Variants in CD82 observed in about 807,000 individuals in gnomAD.
The protein encoded by CD82 is CD82 molecule, also known as CD82 antigen.
CD82 carries 36 observed loss-of-function variants against 37.4 expected under a neutral mutation model. That is an observed-to-expected ratio of 0.96 (90% CI 0.74 to 1.27). CD82 has a LOEUF of 1.27. Among genes scored for constraint, CD82 ranks in the 50% most tolerant of loss-of-function variants. The probability of loss-of-function intolerance (pLI) is 0.00; values close to 1 mark genes in which losing one functional copy is unlikely to be tolerated. For synonymous variants in CD82, 158 were observed against 137.4 expected, an observed-to-expected ratio of 1.15 and a Z score of -1.05; for missense variants, 340 against 347.0, an observed-to-expected ratio of 0.98 and a Z score of 0.16.
At position 44,597,343 on chromosome 11, in the gene CD82, T is replaced by G. The variant is rs1244272512; in HGVS notation, c.63+2618T>G. On this transcript the variant is annotated intron_variant, in intron 3 of 9. Coordinates refer to ENST00000227155, the MANE Select transcript of CD82 (RefSeq NM_002231.4). The surrounding 1 kb of genome is among the most constrained non-coding windows in gnomAD (Gnocchi z 4.1). Reference sequence around the variant, plus strand: ...GTCCTGGCTCCTGATGGGTCCCATCTGGGGATTGGGGAAGGGCTGGGGGAG... The same window carrying G: ...GTCCTGGCTCCTGATGGGTCCCATCGGGGGATTGGGGAAGGGCTGGGGGAG... Among the ~76,000 whole-genome samples, 2 of 133,544 alleles carry G rather than the reference T, an allele frequency of 1.5e-5. No homozygotes were observed. The highest frequency in any genetic ancestry group is 3.2e-5 in the Non-Finnish European group (2 of 62,224). 87.6% of individuals were successfully genotyped at this position (133,544 alleles called of 152,430 possible).
chr11:44,570,189 C>T lies in CD82; in HGVS notation c.-103+4453C>T, dbSNP rs148056427. Among the ~76,000 whole-genome samples, 144 of 152,358 alleles carry T rather than the reference C, an allele frequency of 9.5e-4. 1 individual carries two copies. In the East Asian group the frequency reaches 0.026, roughly 27 times the overall value. ...TCCTGGGGGTGGCTGGGTCTCCTCA[C>T]TGTGACGCTCAGCTTCCTGAGGGGC... On this transcript the variant is annotated intron_variant, in intron 1 of 9. Coordinates refer to ENST00000227155, the MANE Select transcript of CD82 (RefSeq NM_002231.4).
intron 9 of CD82, 109 bp from the exon 10 acceptor site, chr11:44,618,940 G>C: frequency 9.7e-7 from 1 of 1,032,634 alleles, no homozygotes; most frequent in South Asian, 1.3e-5. Context: ...GTGGTTGTGA[G>C]GCTCAAGTTG....
At chr11:44,583,876 C>G (rs962847718) in intron 1 of CD82, among the ~76,000 whole-genome samples, 15 of 152,142 alleles carry the variant, frequency 9.9e-5, no homozygotes, top group African/African-American at 3.6e-4. Flanking sequence ...CCTCCTTTCC[C>G]CAAGTGTCAG....
At chr11:44,603,232 T>C (rs1590343651) in intron 4 of CD82, among the ~76,000 whole-genome samples, 1 of 152,058 alleles carries the variant, frequency 6.6e-6, no homozygotes, top group South Asian at 2.1e-4. Flanking sequence ...AGGAACTGGG[T>C]GGAGGAAGCC....
chr11:44,586,854 T>C (rs916302904), intron 1 of CD82, among the ~76,000 whole-genome samples: 1 of 152,222 alleles, frequency 6.6e-6, no homozygotes, highest in Non-Finnish European at 1.5e-5. Flanking sequence ...GAGCTTCTTA[T>C]ACACAAGGCA....
intron 7 of CD82, among the ~76,000 whole-genome samples, chr11:44,617,301 G>A (rs888948304): frequency 6.6e-6 from 1 of 152,206 alleles, no homozygotes; most frequent in African/African-American, 2.4e-5. Flanking sequence ...GCTCACACCT[G>A]TAATCCCAGC....
Position 44,618,243 on chromosome 11 carries a change from T to A in CD82, c.520T>A (p.Cys174Ser). The A allele has an allele frequency of 2.5e-6, 4 of 1,614,090 alleles. No individual in the cohort carries two copies. The highest frequency in any genetic ancestry group is 3.4e-6 in the Non-Finnish European group (4 of 1,180,024). The change falls in exon 8 of 10, where the codon TGT becomes AGT. Residue 174 changes from cysteine (C) to serine (S), a missense_variant. Physicochemically the swap from Cys to Ser is moderately radical, Grantham distance 112. Transcript: ENST00000227155. Reference protein sequence around the residue: ...LMNRPEVTYPCSCEVKGEEDN... With the variant: ...LMNRPEVTYPSSCEVKGEEDN... ...GAATCGCCCTGAGGTCACCTACCCC[T>A]GTTCCTGCGAAGTCAAGGGGGAAGA...
Position 44,619,764 on chromosome 11 carries a change from A to T in CD82, c.*638A>T, listed in dbSNP as rs1333604538. On this transcript the variant is annotated 3_prime_UTR_variant, in exon 10 of 10. Transcript: ENST00000227155. ...GGGGGACAGAAAGAGACTCCGTCTC[A>T]AAAAAAAAAAAAAAAAAAAAAAAAA... 7.0e-5 allele frequency: 1 copy of T among 14,218 alleles called. No homozygotes were observed. The highest frequency in any genetic ancestry group is 6.8e-4 in the Admixed American group (1 of 1,478). 0.9% of individuals were successfully genotyped at this position (14,218 alleles called of 1,614,324 possible).
rs1230567973 is a variant in CD82 at position 44,619,423 on chromosome 11, G to A, written c.*297G>A. On this transcript the variant is annotated 3_prime_UTR_variant, in exon 10 of 10. Transcript: ENST00000227155. ...GCGCAGGTGGGCTGGACTTCTACCT[G>A]CCCTCAAGGGTGTGTATATTGTATA... The A allele has an allele frequency of 4.5e-6, 2 of 443,312 alleles. No homozygotes were observed. The highest frequency in any genetic ancestry group is 2.0e-5 in the African/African-American group (1 of 50,354). 27.5% of individuals were successfully genotyped at this position (443,312 alleles called of 1,614,324 possible). A position where few individuals can be genotyped will look rare whatever the true frequency, so the allele number is the denominator to read the frequency against.
intron 7 of CD82, among the ~76,000 whole-genome samples, chr11:44,617,431 T>G (rs1853580538): frequency 6.6e-6 from 1 of 151,778 alleles, no homozygotes; most frequent in Non-Finnish European, 1.5e-5. Flanking sequence ...TGATGGCGAG[T>G]GCCTGTAATC....
In CD82 at chr11:44,619,184, T is replaced by TC; in HGVS notation, c.*61dup. On this transcript the variant is annotated 3_prime_UTR_variant, in exon 10 of 10. Coordinates refer to ENST00000227155, the MANE Select transcript of CD82 (RefSeq NM_002231.4). ...CCCAACCTCAGGGCTCCCAGGGGTC[T>TC]CCCTGGCTCCCTCCTCCAGGCCTGC... The TC allele has an allele frequency of 1.5e-6, 2 of 1,322,668 alleles. No individual in the cohort carries two copies. Among genetic ancestry groups the TC allele is most frequent in the Non-Finnish European group, 2.2e-6 (2 of 914,358 alleles). 81.9% of individuals were successfully genotyped at this position (1,322,668 alleles called of 1,614,324 possible).
intron 1 of CD82, 24 bp from the exon 2 acceptor site, chr11:44,587,451 C>T (rs757936329): frequency 1.3e-5 from 6 of 456,150 alleles, no homozygotes; most frequent in South Asian, 7.7e-5. Flanking sequence ...ACAGGAGTGA[C>T]GAGATCTGGG....
rs1317106849 is a variant in CD82, at chr11:44,587,503, C to G, written c.-74C>G. On this transcript the variant is annotated 5_prime_UTR_variant, in exon 2 of 10. Coordinates refer to ENST00000227155, the MANE Select transcript of CD82 (RefSeq NM_002231.4). ...CCTCCCTGCTGCTGTGTGGACGACACGTGGGCACAGGCAGAAGTGGGCCCT... is the reference window on the plus strand; with the variant it reads ...CCTCCCTGCTGCTGTGTGGACGACAGGTGGGCACAGGCAGAAGTGGGCCCT... 6.6e-6 allele frequency: 3 copies of G among 456,318 alleles called. No homozygotes were observed. Among genetic ancestry groups the G allele is most frequent in the Non-Finnish European group, 1.3e-5 (3 of 226,960 alleles). 28.3% of individuals were successfully genotyped at this position (456,318 alleles called of 1,614,324 possible).
rs1415412118 is a variant in CD82 at position 44,618,742 on chromosome 11, A to G, written c.726+19A>G. ...CATCGAGGTCTGAGCCCCCTCCCCCATCCCTTCTCCATCCCAGGTCCTCCT... is the reference window on the plus strand; with the variant it reads ...CATCGAGGTCTGAGCCCCCTCCCCCGTCCCTTCTCCATCCCAGGTCCTCCT... On this transcript the variant is annotated intron_variant, in intron 9 of 9. Transcript: ENST00000227155. 6.3e-7 allele frequency: 1 copy of G among 1,599,598 alleles called. No homozygotes were observed. The highest frequency in any genetic ancestry group is 1.1e-5 in the South Asian group (1 of 90,498).
chr11:44,567,153 GCC>G (rs971327987), intron 1 of CD82, among the ~76,000 whole-genome samples: 3 of 152,124 alleles, frequency 2.0e-5, no homozygotes, highest in Non-Finnish European at 4.4e-5. Flanking sequence ...GGTCTGTTCT[GCC>G]CTGGTGGCTG....
At chr11:44,574,416 T>G (rs10160292) in intron 1 of CD82, among the ~76,000 whole-genome samples, 49,140 of 152,034 alleles carry the variant, frequency 0.32, 9,023 homozygotes, top group African/African-American at 0.5. Flanking sequence ...GCTTCCCCAT[T>G]TTGATCCTGA....
At chr11:44,615,516 C>A in intron 7 of CD82, 143 bp downstream of exon 7, 2 of 630,864 alleles carry the variant, frequency 3.2e-6, no homozygotes, top group Non-Finnish European at 2.9e-6. Flanking sequence ...TCTATGGGGG[C>A]AGGGCACCCC....
At chr11:44,575,093 C>T (rs1473289154) in intron 1 of CD82, among the ~76,000 whole-genome samples, 2 of 152,194 alleles carry the variant, frequency 1.3e-5, no homozygotes, top group Admixed American at 6.5e-5. Flanking sequence ...CTCCCAGTTT[C>T]GCTTCAGCCC....
intron 7 of CD82, 36 bp downstream of exon 7, chr11:44,615,409 C>A: frequency 1.6e-6 from 2 of 1,279,282 alleles, no homozygotes; most frequent in South Asian, 1.2e-5. Context: ...GCTCTCTGGC[C>A]TGGGTGTCCC....
Sources: allele counts gnomAD v4.1 joint callset (sites outside exome capture counted in the v4.1 genomes callset), GRCh38; gene constraint gnomAD v4.1.1; non-coding constraint Gnocchi (gnomAD v3.1); transcripts MANE v1.5; gene names NCBI Gene and HGNC (gene_info 2026-07-23, HGNC 2026-07-21).